PCDHGB1: variants seen among roughly 807,000 people sequenced by gnomAD.
PCDHGB1 encodes the protein protocadherin gamma subfamily B, 1.
Under a neutral mutation model 56.6 loss-of-function variants are expected in PCDHGB1, and 34 were observed. The observed-to-expected ratio is 0.60, with a 90% CI of 0.46 to 0.80. The LOEUF (loss-of-function observed/expected upper bound fraction) is 0.80. Among genes scored for constraint, PCDHGB1 ranks in the 30% least tolerant of loss-of-function variants. The pLI, the probability that PCDHGB1 is intolerant of heterozygous loss-of-function variation, is 0.00. For synonymous variants in PCDHGB1, 561 were observed against 505.9 expected (o/e 1.11, Z -1.46); for missense variants, 1,278 against 1,204.6 (o/e 1.06, Z -0.90).
rs776805404 is a variant in PCDHGB1 at position 141,351,555 on chromosome 5, C to G, written c.1295C>G (p.Thr432Arg). The G allele has an allele frequency of 1.9e-6, 3 of 1,614,022 alleles. No individual in the cohort carries two copies. The highest frequency in any genetic ancestry group is 2.5e-6 in the Non-Finnish European group (3 of 1,179,894). ...DKGKPALSSR[T>R]SITLHISDIN... is the part of the protein sequence containing the mutation. ...GGCAAACCAGCCCTTTCCTCCAGGA[C>G]AAGCATCACCCTGCACATCTCCGAC... is the stretch of plus-strand genomic sequence containing the variant. Residue 432 changes from threonine (T) to arginine (R), a missense_variant, in exon 1 of 4, where the codon ACA (threonine) becomes AGA (arginine). By Grantham distance (71) the Thr-to-Arg change is moderately conservative. Transcript: ENST00000523390.
chr5:141,350,972 G>T lies in PCDHGB1; in HGVS notation c.712G>T (p.Val238Leu), dbSNP rs956940005. 1 of 1,614,038 alleles carries T rather than the reference G, an allele frequency of 6.2e-7. No homozygotes were observed. The highest frequency in any genetic ancestry group is 8.5e-7 in the Non-Finnish European group (1 of 1,179,896). The change falls in exon 1 of 4, where the codon GTG (valine) becomes TTG (leucine). Residue 238 changes from valine to leucine, a missense_variant. By Grantham distance (32) the Val-to-Leu change is conservative. Transcript: ENST00000523390. Reference sequence around the variant, plus strand: ...TACGGATGCCAATGATAATGCTCCCGTGTTTAGCCAGGAGGTATACAGGGT... The same window carrying T: ...TACGGATGCCAATGATAATGCTCCCTTGTTTAGCCAGGAGGTATACAGGGT... ...RVTDANDNAP[V>L]FSQEVYRVSL...
In PCDHGB1 at chr5:141,431,159, C is replaced by A. The variant is rs1017606383; in HGVS notation, c.2410-63648C>A. On this transcript the variant is annotated intron_variant, in intron 1 of 3. Coordinates refer to ENST00000523390, the MANE Select transcript of PCDHGB1 (RefSeq NM_018922.3). The surrounding 1 kb of genome is among the most constrained non-coding windows in gnomAD (Gnocchi z 4.8). The stretch of plus-strand genomic sequence containing the variant: ...CATTAACGACAATGCGCCTTACTTT[C>A]GTGAAAGTGAATTAGAAATAAAAAT... The A allele has an allele frequency of 6.2e-7, 1 of 1,614,158 alleles. No homozygotes were observed. The highest frequency in any genetic ancestry group is 1.3e-5 in the African/African-American group (1 of 75,046).
At chr5:141,375,501 C>T in intron 1 of PCDHGB1, 1 of 1,614,040 alleles carries the variant, frequency 6.2e-7, no homozygotes, top group Non-Finnish European at 8.5e-7. Flanking sequence ...TCCATCTTCT[C>T]TGTGAATGCA....
At chr5:141,454,838 C>T (rs1472341694) in intron 1 of PCDHGB1, among the ~76,000 whole-genome samples, 7 of 100,814 alleles carry the variant, frequency 6.9e-5, no homozygotes, top group Non-Finnish European at 1.1e-4. Flanking sequence ...GACAGAGTCG[C>T]GCTCTGTCAC....
At chr5:141,423,089 G>A in intron 1 of PCDHGB1, 1 of 1,614,016 alleles carries the variant, frequency 6.2e-7, no homozygotes, top group Non-Finnish European at 8.5e-7. Flanking sequence ...TTCGCGGTGG[G>A]GGAGCACACG....
chr5:141,447,048 A>T (rs149112101), intron 1 of PCDHGB1, among the ~76,000 whole-genome samples: 1 of 152,066 alleles, frequency 6.6e-6, no homozygotes, highest in Non-Finnish European at 1.5e-5. Flanking sequence ...CTGGAATTCT[A>T]TTAAAATGTG....
intron 1 of PCDHGB1, among the ~76,000 whole-genome samples, chr5:141,455,291 A>G (rs1212745731): frequency 6.6e-6 from 1 of 152,072 alleles, no homozygotes; most frequent in Non-Finnish European, 1.5e-5. Flanking sequence ...CACTTTACAT[A>G]GTTTCATCTT....
At position 141,376,680 on chromosome 5, in the gene PCDHGB1, T is replaced by G. The variant is rs554753091; in HGVS notation, c.2409+24011T>G. 2,414 of 666,784 alleles carry G rather than the reference T, an allele frequency of 3.6e-3. 9 individuals carry two copies. The highest frequency in any genetic ancestry group is 3.7e-3 in the Non-Finnish European group (1,658 of 442,514). 41.3% of individuals were successfully genotyped at this position (666,784 alleles called of 1,614,324 possible). A position where few individuals can be genotyped will look rare whatever the true frequency, so the allele number is the denominator to read the frequency against. ...CCTTGTTCAGGTGAGGGTATCGTTT[T>G]TTTTTTTTTTTTTTTTTGAGACGGA... On this transcript the variant is annotated intron_variant, in intron 1 of 3. Coordinates refer to ENST00000523390, the MANE Select transcript of PCDHGB1 (RefSeq NM_018922.3).
At chr5:141,418,403 G>T in intron 1 of PCDHGB1, 1 of 1,614,000 alleles carries the variant, frequency 6.2e-7, no homozygotes. Context: ...CTCATTGGTG[G>T]AGAAAGACAA....
At chr5:141,365,057 A>T (rs1763709144) in intron 1 of PCDHGB1, 1 of 1,613,594 alleles carries the variant, frequency 6.2e-7, no homozygotes, top group Non-Finnish European at 8.5e-7. Context: ...GCCCCTGTTC[A>T]CCCCATCCGA....
intron 1 of PCDHGB1, chr5:141,413,638 C>T (rs768604791): frequency 4.8e-5 from 78 of 1,613,686 alleles, no homozygotes; most frequent in Middle Eastern, 1.6e-4. Flanking sequence ...TGCGGGAATG[C>T]GTTTTCCTCT....
chr5:141,489,592 C>A lies in PCDHGB1; in HGVS notation c.2410-5215C>A, dbSNP rs747085985. On this transcript the variant is annotated intron_variant, in intron 1 of 3. Coordinates refer to ENST00000523390, the MANE Select transcript of PCDHGB1 (RefSeq NM_018922.3). The surrounding 1 kb of genome is among the most constrained non-coding windows in gnomAD (Gnocchi z 4.5). ...GACTGAACACCCCCTGGAGCTAATCCGTGTAGAGGTAGAGATCCTGGATCT... is the reference window on the plus strand; with the variant it reads ...GACTGAACACCCCCTGGAGCTAATCAGTGTAGAGGTAGAGATCCTGGATCT... 3 of 1,614,046 alleles carry A rather than the reference C, an allele frequency of 1.9e-6. No homozygotes were observed. Among genetic ancestry groups the A allele is most frequent in the Non-Finnish European group, 2.5e-6 (3 of 1,179,978 alleles).
chr5:141,423,943 G>GA, intron 1 of PCDHGB1: 1 of 1,211,382 alleles, frequency 8.3e-7, no homozygotes, highest in Non-Finnish European at 1.0e-6. Flanking sequence ...GAAGTAAGTT[G>GA]AATTTTAGTA....
intron 1 of PCDHGB1, among the ~76,000 whole-genome samples, chr5:141,429,903 T>C (rs1276564046): frequency 2.0e-5 from 3 of 152,252 alleles, no homozygotes; most frequent in African/African-American, 7.2e-5. Flanking sequence ...TAAATATTTT[T>C]GAAATATAAT....
rs1219684339 is a variant in PCDHGB1, at chr5:141,506,444, CAA to C, written c.2557+983_2557+984del. Among the ~76,000 whole-genome samples the C allele has an allele frequency of 5.9e-3, 564 of 95,004 alleles. 2 individuals carry two copies. The highest frequency in any genetic ancestry group is 0.013 in the African/African-American group (317 of 25,186). 62.3% of individuals were successfully genotyped at this position (95,004 alleles called of 152,430 possible). Reference sequence around the variant, plus strand: ...CCTGGGCAACAGTCTCGCTCTGTCTCAAAAAAAAAAAAAAAAAAAAAGAGCAC... The same window carrying C: ...CCTGGGCAACAGTCTCGCTCTGTCTCAAAAAAAAAAAAAAAAAAAGAGCAC... On this transcript the variant is annotated intron_variant, in intron 3 of 3. Transcript: ENST00000523390.
At chr5:141,404,762 C>T (rs1466259455) in intron 1 of PCDHGB1, 1 of 1,613,828 alleles carries the variant, frequency 6.2e-7, no homozygotes, top group East Asian at 2.2e-5. Flanking sequence ...GAATGCTTGG[C>T]TCTCCTACCG....
At chr5:141,387,320 A>C (rs1461293740) in intron 1 of PCDHGB1, among the ~76,000 whole-genome samples, 1 of 152,234 alleles carries the variant, frequency 6.6e-6, no homozygotes, top group East Asian at 1.9e-4. Flanking sequence ...ATGAGTAAGT[A>C]TGGAAAATTA....
In PCDHGB1 at chr5:141,430,200, T is replaced by G. The variant is rs182960813; in HGVS notation, c.2410-64607T>G. Among the ~76,000 whole-genome samples the G allele has an allele frequency of 8.2e-4, 124 of 152,052 alleles. 2 individuals are homozygous for G. Among genetic ancestry groups the G allele is most frequent in the African/African-American group, 2.9e-3 (119 of 41,468 alleles). ...CCCAAATTATAGCTGAATCAGAAAG[T>G]TTAAATTATTATATTATATGATTTG... On this transcript the variant is annotated intron_variant, in intron 1 of 3. Transcript: ENST00000523390.
At chr5:141,390,373 ATT>A in intron 1 of PCDHGB1, 3 of 1,481,208 alleles carry the variant, frequency 2.0e-6, no homozygotes, top group Non-Finnish European at 2.8e-6. Flanking sequence ...AAAATATATA[ATT>A]TTTAGATGTC....
Sources: allele counts gnomAD v4.1 joint callset (sites outside exome capture counted in the v4.1 genomes callset), GRCh38; gene constraint gnomAD v4.1.1; non-coding constraint Gnocchi (gnomAD v3.1); transcripts MANE v1.5; gene names NCBI Gene and HGNC (gene_info 2026-07-23, HGNC 2026-07-21).